LAMA2: variants seen among roughly 807,000 people sequenced by gnomAD.
LAMA2 encodes laminin subunit alpha 2.
LAMA2 carries 269 observed loss-of-function variants against 364.8 expected under a neutral mutation model. The ratio of observed to expected loss-of-function variants is 0.74; its 90% confidence interval spans 0.67 to 0.82. The LOEUF (loss-of-function observed/expected upper bound fraction) is 0.82, where lower values mean the gene tolerates loss of function less well. Among genes scored for constraint, LAMA2 ranks in the 40% least tolerant of loss-of-function variants. The pLI, the probability that LAMA2 is intolerant of heterozygous loss-of-function variation, is 0.00. For synonymous variants in LAMA2, 1,379 were observed against 1,370.6 expected (o/e 1.01, Z -0.14); for missense variants, 3,807 against 3,873.2 (o/e 0.98, Z 0.45).
chr6:129,263,046 A>G (rs536170256), intron 15 of LAMA2, among the ~76,000 whole-genome samples: 10 of 152,174 alleles, frequency 6.6e-5, no homozygotes, highest in Non-Finnish European at 1.3e-4. Context: ...CACTTGACAG[A>G]TGAGACAGGG....
intron 1 of LAMA2, among the ~76,000 whole-genome samples, chr6:129,009,232 GAAAT>G (rs1055238595): frequency 6.2e-4 from 94 of 152,096 alleles, no homozygotes; most frequent in African/African-American, 2.1e-3. Flanking sequence ...CCATCTTGTA[GAAAT>G]AAATAGTCTT....
chr6:129,453,790 A>AT, intron 46 of LAMA2, among the ~76,000 whole-genome samples: 2 of 152,108 alleles, frequency 1.3e-5, no homozygotes, highest in African/African-American at 4.8e-5. Flanking sequence ...GCCCCCTCAA[A>AT]AATGTCAGTG....
chr6:129,212,647 A>C (rs1034132844), intron 12 of LAMA2, among the ~76,000 whole-genome samples: 1 of 152,190 alleles, frequency 6.6e-6, no homozygotes, highest in African/African-American at 2.4e-5. Flanking sequence ...TTTACTTTCT[A>C]GTCAAGGTGG....
At chr6:129,462,970 T>C (rs946362702) in intron 49 of LAMA2, among the ~76,000 whole-genome samples, 3 of 152,068 alleles carry the variant, frequency 2.0e-5, no homozygotes, top group Non-Finnish European at 4.4e-5. Flanking sequence ...ATTGTTGTTA[T>C]GCTTTAGAAA....
chr6:129,255,404 TCAA>T (rs1562383894), intron 14 of LAMA2, among the ~76,000 whole-genome samples: 1 of 19,984 alleles, frequency 5.0e-5, no homozygotes, highest in Non-Finnish European at 1.1e-4. Flanking sequence ...AGACTCTGTC[TCAA>T]AAAAAAAAAA....
intron 41 of LAMA2, among the ~76,000 whole-genome samples, chr6:129,433,578 A>G (rs761884164): frequency 4.6e-5 from 7 of 152,194 alleles, no homozygotes; most frequent in Non-Finnish European, 1.0e-4. Context: ...ATTCATATTA[A>G]TAAAAAATAA....
In LAMA2 at chr6:129,316,018, A is replaced by G; in HGVS notation, c.3925-20A>G. 6.2e-7 allele frequency: 1 copy of G among 1,613,968 alleles called. No homozygotes were observed. Among genetic ancestry groups the G allele is most frequent in the Non-Finnish European group, 8.5e-7 (1 of 1,179,946 alleles). ...TTTTGCATTCAGTTTTGTCATAGTG[A>G]TTTCTCTTCTTGTTAACAGAAAGAA... On this transcript the variant is annotated intron_variant, in intron 26 of 64. Coordinates refer to ENST00000421865, the MANE Select transcript of LAMA2 (RefSeq NM_000426.4).
intron 17 of LAMA2, among the ~76,000 whole-genome samples, chr6:129,272,246 G>C (rs1223250584): frequency 6.6e-6 from 1 of 152,106 alleles, no homozygotes; most frequent in Non-Finnish European, 1.5e-5. Context: ...GCCAATTCTG[G>C]AGCCAGACTC....
rs181438929 is a variant in LAMA2, at chr6:129,428,727, G to A, written c.5968+873G>A. 3.9e-5 allele frequency among the ~76,000 whole-genome samples: 6 copies of A among 152,224 alleles called. 1 individual carries two copies. The highest frequency in any genetic ancestry group is 3.3e-4 in the Admixed American group (5 of 15,292). The stretch of plus-strand genomic sequence containing the variant: ...CCCAAAGTGCTGAGATTACAGATGT[G>A]AGCCACCGTGCCCGGCCCTAAATAC... On this transcript the variant is annotated intron_variant, in intron 41 of 64. Transcript: ENST00000421865.
At chr6:129,126,410 C>T (rs1238349057) in intron 4 of LAMA2, among the ~76,000 whole-genome samples, 3 of 152,102 alleles carry the variant, frequency 2.0e-5, no homozygotes, top group Non-Finnish European at 2.9e-5. Flanking sequence ...TTTGGCATCA[C>T]GTAAGATACC....
intron 9 of LAMA2, among the ~76,000 whole-genome samples, chr6:129,175,219 C>T (rs1362179526): frequency 6.6e-6 from 1 of 152,136 alleles, no homozygotes; most frequent in Non-Finnish European, 1.5e-5. Flanking sequence ...TGGTGTTTTG[C>T]TCATCTGGAT....
intron 18 of LAMA2, among the ~76,000 whole-genome samples, chr6:129,286,388 A>G (rs2114411136): frequency 6.6e-6 from 1 of 151,080 alleles, no homozygotes; most frequent in Middle Eastern, 3.4e-3. Context: ...CAGAATATAA[A>G]TAGGCGCTGC....
At chr6:129,191,310 A>G (rs758048477) in intron 11 of LAMA2, among the ~76,000 whole-genome samples, 19 of 152,148 alleles carry the variant, frequency 1.2e-4, no homozygotes, top group Admixed American at 5.2e-4. Context: ...GCTATAAAAT[A>G]TTTTCTCTGC....
intron 28 of LAMA2, among the ~76,000 whole-genome samples, chr6:129,321,419 A>T (rs1171695626): frequency 6.6e-6 from 1 of 152,170 alleles, no homozygotes; most frequent in Admixed American, 6.5e-5. Context: ...CAAGTCCCTG[A>T]GTAACTACCA....
chr6:129,394,438 T>A (rs1779495441), intron 37 of LAMA2, among the ~76,000 whole-genome samples: 1 of 152,242 alleles, frequency 6.6e-6, no homozygotes, highest in Non-Finnish European at 1.5e-5. Flanking sequence ...TTTTTTAATA[T>A]ATTTTATTTC....
chr6:129,031,270 G>A (rs1340807389), intron 1 of LAMA2, among the ~76,000 whole-genome samples: 2 of 152,158 alleles, frequency 1.3e-5, no homozygotes, highest in East Asian at 3.9e-4. Flanking sequence ...AACAGAATTA[G>A]ATGCTTGAGT....
intron 12 of LAMA2, among the ~76,000 whole-genome samples, chr6:129,226,190 G>A (rs183658699): frequency 1.3e-3 from 194 of 152,212 alleles, no homozygotes; most frequent in African/African-American, 4.5e-3. Flanking sequence ...TTCCTTGGTA[G>A]ATCTTCCTCC....
intron 8 of LAMA2, among the ~76,000 whole-genome samples, chr6:129,155,831 T>C (rs1779079114): frequency 7.1e-6 from 1 of 141,178 alleles, no homozygotes; most frequent in Non-Finnish European, 1.5e-5. Flanking sequence ...ATTTTCAAGA[T>C]TGTCTATAGT....
At chr6:129,094,394 T>C (rs994054001) in intron 3 of LAMA2, among the ~76,000 whole-genome samples, 38 of 152,182 alleles carry the variant, frequency 2.5e-4, no homozygotes, top group African/African-American at 8.7e-4. Context: ...CGGTGACTGC[T>C]TTTCCGTGTC....
Sources: gnomAD v4.1 joint callset for allele counts (sites outside exome capture counted in the v4.1 genomes callset) on GRCh38, gnomAD v4.1.1 for gene constraint, MANE v1.5 for transcripts, NCBI Gene and HGNC (gene_info 2026-07-23, HGNC 2026-07-21) for gene names.